The following ZNF317 variants were observed in gnomAD, a reference collection of about 807,000 sequenced individuals.
ZNF317 encodes the protein zinc finger protein 317, also known as KRAB-containing zinc finger protein 317.
A neutral mutation model predicts 23.4 loss-of-function variants in ZNF317; 17 were observed. That is an observed-to-expected ratio of 0.73 (90% CI 0.50 to 1.09). ZNF317 has a LOEUF of 1.09. Among genes scored for constraint, ZNF317 ranks in the 50% least tolerant of loss-of-function variants. ZNF317 has a pLI of 0.00. For missense variants in ZNF317, 679 were observed against 796.7 expected, an observed-to-expected ratio of 0.85 and a Z score of 1.78; for synonymous variants, 317 against 314.9, an observed-to-expected ratio of 1.01 and a Z score of -0.07.
chr19:9,149,863 G>A (rs945226085), intron 1 of ZNF317, among the ~76,000 whole-genome samples: 3 of 152,164 alleles, frequency 2.0e-5, no homozygotes, highest in South Asian at 4.1e-4. Context: ...CAGTTAGGAA[G>A]CAGTTGGAAT....
Position 9,162,629 on chromosome 19 carries a change from C to T in ZNF317, c.*1196C>T, listed in dbSNP as rs1205761862. On this transcript the variant is annotated 3_prime_UTR_variant, in exon 7 of 7. Transcript: ENST00000247956. ...TACGGGACTGCACGTACTCTCTCAT[C>T]ATGAAAACAGAGCCCCGTTCATAAA... 6.6e-6 allele frequency: 1 copy of T among 151,582 alleles called. No homozygotes were observed. The highest frequency in any genetic ancestry group is 1.5e-5 in the Non-Finnish European group (1 of 67,952). 9.4% of individuals were successfully genotyped at this position (151,582 alleles called of 1,614,324 possible). A position where few individuals can be genotyped will look rare whatever the true frequency, so the allele number is the denominator to read the frequency against.
intron 1 of ZNF317, 30 bp from the exon 2 acceptor site, chr19:9,155,895 C>T: frequency 1.6e-6 from 2 of 1,254,326 alleles, no homozygotes; most frequent in Non-Finnish European, 2.3e-6. Context: ...TAGCCTTTCA[C>T]TACTCCCGAT....
At chr19:9,157,704 T>C in intron 4 of ZNF317, 1 of 637,478 alleles carries the variant, frequency 1.6e-6, no homozygotes, top group Non-Finnish European at 2.2e-6. Context: ...TTTTTTTTTA[T>C]TTTTGGTGAT....
At chr19:9,144,800 C>A (rs1164329494) in intron 1 of ZNF317, among the ~76,000 whole-genome samples, 1 of 151,980 alleles carries the variant, frequency 6.6e-6, no homozygotes, top group East Asian at 1.9e-4. Flanking sequence ...GTAATTCTTC[C>A]ACTGTTTGCT....
intron 1 of ZNF317, among the ~76,000 whole-genome samples, chr19:9,154,053 G>A (rs8110023): frequency 0.098 from 14,869 of 152,152 alleles, 865 homozygotes; most frequent in African/African-American, 0.17. Context: ...AGGAGAGCCA[G>A]GTAGTGCGAG....
At chr19:9,158,378 T>C (rs1045011050) in intron 5 of ZNF317, among the ~76,000 whole-genome samples, 3 of 129,216 alleles carry the variant, frequency 2.3e-5, no homozygotes, top group East Asian at 4.1e-4. Flanking sequence ...TTTTTTTTTT[T>C]TTTTTTTTTT....
Position 9,158,905 on chromosome 19 carries a change from G to A in ZNF317, c.465G>A (p.Thr155=), listed in dbSNP as rs144190667. The change falls in exon 6 of 7, where the codon ACG becomes ACA. Residue 155 remains threonine, a synonymous_variant. Transcript: ENST00000247956. ...GGAAGGAAACGCCCAGTGGTGTGAC[G>A]ATGGTAAGATTTCCGTGGGATAATT... ...IFGKETPSGV[T]MERAGLGEKS... 600 of 1,605,062 alleles carry A rather than the reference G, an allele frequency of 3.7e-4. 1 individual carries two copies. The highest frequency in any genetic ancestry group is 1.2e-3 in the South Asian group (107 of 90,892).
rs558656657 is a variant in ZNF317 at position 9,160,359 on chromosome 19, A to G, written c.714A>G (p.Thr238=). ...QKAFTTSASL[T]RHRRIHTGEK... ...CCTTCACCACGAGCGCGTCCCTCAC[A>G]CGGCACAGGAGAATCCACACCGGGG... is the stretch of plus-strand genomic sequence containing the variant. The change falls in exon 7 of 7, where the codon ACA becomes ACG. Residue 238 remains threonine, a synonymous_variant. Transcript: ENST00000247956. The surrounding 1 kb of genome is among the most constrained non-coding windows in gnomAD (Gnocchi z 6.8). 9 of 1,614,152 alleles carry G rather than the reference A, an allele frequency of 5.6e-6. No homozygotes were observed. The highest frequency in any genetic ancestry group is 5.5e-5 in the South Asian group (5 of 91,086).
intron 4 of ZNF317, 125 bp downstream of exon 4, chr19:9,157,519 C>T (rs2050797212): frequency 5.4e-6 from 7 of 1,292,022 alleles, no homozygotes; most frequent in South Asian, 4.1e-5. Context: ...GCCCCAGCAC[C>T]CATGCTTAAT....
intron 1 of ZNF317, among the ~76,000 whole-genome samples, chr19:9,153,148 TTTTGTTTG>T (rs74921135): frequency 2.1e-3 from 296 of 144,104 alleles, no homozygotes; most frequent in African/African-American, 5.5e-3. Context: ...AGGTAGTTGT[TTTTGTTTG>T]TTTGTTTGTT....
At chr19:9,151,945 C>T (rs1428989758) in intron 1 of ZNF317, among the ~76,000 whole-genome samples, 1 of 131,098 alleles carries the variant, frequency 7.6e-6, no homozygotes, top group African/African-American at 3.0e-5. Context: ...CTTGCTCTGT[C>T]GCCCAGGCTG....
intron 1 of ZNF317, among the ~76,000 whole-genome samples, chr19:9,150,820 T>C (rs544125475): frequency 6.6e-6 from 1 of 152,280 alleles, no homozygotes; most frequent in East Asian, 1.9e-4. Context: ...ACAGGTGACA[T>C]AGGTCACTTT....
In ZNF317 at chr19:9,160,595, G is replaced by A. The variant is rs752385341; in HGVS notation, c.950G>A (p.Arg317Gln). The change falls in exon 7 of 7, where the codon CGG (arginine) becomes CAG (glutamine). Residue 317 changes from arginine to glutamine, a missense_variant. Physicochemically the swap from Arg to Gln is conservative, Grantham distance 43 (BLOSUM62 1). Transcript: ENST00000247956. This position sits in a 1 kb window ranked among gnomAD's most constrained non-coding sequence, Gnocchi z 6.8. ...KCDQCGKAYG[R>Q]SCHLIAHKRT... ...GATCAGTGCGGGAAGGCTTACGGCC[G>A]GAGCTGCCACCTCATCGCACACAAG... is the stretch of plus-strand genomic sequence containing the variant. 5.6e-6 allele frequency: 9 copies of A among 1,613,814 alleles called. No homozygotes were observed. The highest frequency in any genetic ancestry group is 2.2e-5 in the East Asian group (1 of 44,830).
chr19:9,146,723 C>G (rs973377190), intron 1 of ZNF317, among the ~76,000 whole-genome samples: 1 of 152,126 alleles, frequency 6.6e-6, no homozygotes, highest in African/African-American at 2.4e-5. Context: ...AGCCACCATG[C>G]TGGGCCTATA....
In ZNF317 at chr19:9,163,189, T is replaced by C. The variant is rs1323770159; in HGVS notation, c.*1756T>C. 7.2e-5 allele frequency: 11 copies of C among 152,200 alleles called. No homozygotes were observed. The highest frequency in any genetic ancestry group is 7.2e-4 in the Admixed American group (11 of 15,272). 9.4% of individuals were successfully genotyped at this position (152,200 alleles called of 1,614,324 possible). A position where few individuals can be genotyped will look rare whatever the true frequency, so the allele number is the denominator to read the frequency against. ...AACATGAATTCCTCCCTGTATGTTT[T>C]GTTCTTTGCTTTACTTTTCACCTTG... On this transcript the variant is annotated 3_prime_UTR_variant, in exon 7 of 7. Transcript: ENST00000247956.
At chr19:9,146,488 C>T (rs2050684366) in intron 1 of ZNF317, among the ~76,000 whole-genome samples, 1 of 149,396 alleles carries the variant, frequency 6.7e-6, no homozygotes, top group African/African-American at 2.5e-5. Flanking sequence ...AGTGCAGTGG[C>T]ATGATCTTGG....
intron 1 of ZNF317, among the ~76,000 whole-genome samples, chr19:9,150,177 C>G (rs910930813): frequency 5.3e-5 from 8 of 152,172 alleles, no homozygotes; most frequent in Admixed American, 3.3e-4. Flanking sequence ...CTGGCTGCCA[C>G]TCACTCTGAG....
Position 9,160,927 on chromosome 19 carries a change from C to G in ZNF317, c.1282C>G (p.Arg428Gly), listed in dbSNP as rs201883092. 2 of 1,614,168 alleles carry G rather than the reference C, an allele frequency of 1.2e-6. No individual in the cohort carries two copies. The highest frequency in any genetic ancestry group is 1.7e-6 in the Non-Finnish European group (2 of 1,180,038). Reference sequence around the variant, plus strand: ...ATGTCGGCAGTGCGGGAAGACCTTCCGAAACCAGTCCATCCTTAAGACTCA... The same window carrying G: ...ATGTCGGCAGTGCGGGAAGACCTTCGGAAACCAGTCCATCCTTAAGACTCA... ...VECRQCGKTF[R>G]NQSILKTHMN... The change falls in exon 7 of 7, where the codon CGA (arginine) becomes GGA (glycine). Residue 428 changes from arginine (R) to glycine (G), a missense_variant. Coordinates refer to ENST00000247956, the MANE Select transcript of ZNF317 (RefSeq NM_020933.5). The surrounding 1 kb of genome is among the most constrained non-coding windows in gnomAD (Gnocchi z 6.8).
Position 9,158,094 on chromosome 19 carries a change from A to G in ZNF317, c.385+19A>G. The stretch of plus-strand genomic sequence containing the variant: ...TGTGCAGGTGAGCGAGCCCCAGGCA[A>G]AGAGCGGTGCTGTGACTCTACCTCT... On this transcript the variant is annotated intron_variant, in intron 5 of 6. Coordinates refer to ENST00000247956, the MANE Select transcript of ZNF317 (RefSeq NM_020933.5). The G allele has an allele frequency of 6.5e-7, 1 of 1,547,604 alleles. No homozygotes were observed.
Sources: allele counts gnomAD v4.1 joint callset (sites outside exome capture counted in the v4.1 genomes callset), GRCh38; gene constraint gnomAD v4.1.1; non-coding constraint Gnocchi (gnomAD v3.1); transcripts MANE v1.5; gene names NCBI Gene and HGNC (gene_info 2026-07-23, HGNC 2026-07-21).